CHL1: variants seen among roughly 807,000 people sequenced by gnomAD.
CHL1 encodes the protein neural cell adhesion molecule L1-like protein.
In CHL1, 96 loss-of-function variants were observed where a neutral mutation model predicts 141.9. The ratio of observed to expected loss-of-function variants is 0.68; its 90% confidence interval spans 0.57 to 0.80. CHL1 has a LOEUF of 0.80. Ranked by LOEUF, CHL1 falls within the 30% of genes least tolerant of loss-of-function variation. The pLI, the probability that CHL1 is intolerant of heterozygous loss-of-function variation, is 0.00. For missense variants in CHL1, 1,820 were observed against 1,457.2 expected, an observed-to-expected ratio of 1.25 and a Z score of -4.05; for synonymous variants, 613 against 502.2, an observed-to-expected ratio of 1.22 and a Z score of -2.95.
intron 2 of CHL1, among the ~76,000 whole-genome samples, chr3:277,964 T>G (rs1374085874): frequency 1.3e-5 from 2 of 152,222 alleles, no homozygotes; most frequent in African/African-American, 2.4e-5. Context: ...GTAGTTTGCA[T>G]TTAGGTATTT....
chr3:258,932 ATC>A lies in CHL1; in HGVS notation c.-95+14242_-95+14243del, dbSNP rs1259601168. ...ACCTTTATTTTAAACGTATGGCAAC[ATC>A]TTTTTTTTTTTTTTTTTCTGAGACA... On this transcript the variant is annotated intron_variant, in intron 2 of 27. Transcript: ENST00000256509. 4.8e-3 allele frequency among the ~76,000 whole-genome samples: 655 copies of A among 136,944 alleles called. 6 individuals are homozygous for A. Among genetic ancestry groups the A allele is most frequent in the African/African-American group, 0.018 (638 of 36,314 alleles). 89.8% of individuals were successfully genotyped at this position (136,944 alleles called of 152,430 possible).
chr3:348,669 G>C (rs1044544731), intron 9 of CHL1, among the ~76,000 whole-genome samples: 8 of 152,140 alleles, frequency 5.3e-5, no homozygotes, highest in Non-Finnish European at 4.4e-5. Context: ...TTACTTTCCT[G>C]TTTGTTTTGA....
intron 16 of CHL1, among the ~76,000 whole-genome samples, chr3:379,270 A>T (rs116283326): frequency 6.6e-6 from 1 of 152,192 alleles, no homozygotes; most frequent in East Asian, 1.9e-4. Flanking sequence ...ACAAATGGCC[A>T]TCAAGGTTGG....
chr3:198,009 G>A, intron 1 of CHL1: 1 of 351,816 alleles, frequency 2.8e-6, no homozygotes, highest in Non-Finnish European at 5.7e-6. Context: ...CTCGCTGCGA[G>A]CCACAGTGTC....
chr3:360,102 T>G (rs185512203), intron 11 of CHL1, among the ~76,000 whole-genome samples, 182 bp from the exon 12 acceptor site: 1 of 152,336 alleles, frequency 6.6e-6, no homozygotes, highest in African/African-American at 2.4e-5. Flanking sequence ...AAAATTCACA[T>G]GGATCTGGAA....
At chr3:236,195 C>T (rs13077665) in intron 1 of CHL1, among the ~76,000 whole-genome samples, 1 of 151,918 alleles carries the variant, frequency 6.6e-6, no homozygotes, top group East Asian at 1.9e-4. Context: ...GGAGCTTTGT[C>T]ATATCCACAT....
At chr3:200,972 T>A (rs1380030218) in intron 1 of CHL1, among the ~76,000 whole-genome samples, 4 of 152,230 alleles carry the variant, frequency 2.6e-5, no homozygotes, top group African/African-American at 9.6e-5. Context: ...ATTATAGCTT[T>A]CTCATTAGCA....
intron 15 of CHL1, among the ~76,000 whole-genome samples, chr3:366,502 T>C (rs1162126334): frequency 6.6e-6 from 1 of 151,582 alleles, no homozygotes; most frequent in East Asian, 1.9e-4. Flanking sequence ...AAAGCATTCA[T>C]ACAGAAACAA....
chr3:360,676 G>C (rs1208483193), intron 12 of CHL1, among the ~76,000 whole-genome samples: 1 of 149,680 alleles, frequency 6.7e-6, no homozygotes, highest in Non-Finnish European at 1.5e-5. Flanking sequence ...TGCCATGCTG[G>C]TGCGCTGCAC....
chr3:366,006 C>A lies in CHL1; in HGVS notation c.1642C>A (p.Leu548Ile). 1.2e-6 allele frequency: 2 copies of A among 1,613,476 alleles called. No homozygotes were observed. Among genetic ancestry groups the A allele is most frequent in the Non-Finnish European group, 1.7e-6 (2 of 1,179,518 alleles). ...KNPRIPKLHMLELHCESKCDS... is the reference protein window; with the variant it reads ...KNPRIPKLHMIELHCESKCDS... ...TCCTCGTATCCCCAAATTGCATATG[C>A]TTGAATTACATTGTGAAAGCAAATG... is the stretch of plus-strand genomic sequence containing the variant. Residue 548 changes from leucine to isoleucine, a missense_variant, in exon 15 of 28, where the codon CTT becomes ATT. Physicochemically the swap from Leu to Ile is conservative, Grantham distance 5. Transcript: ENST00000256509.
chr3:399,402 G>C (rs1266214294), intron 26 of CHL1, among the ~76,000 whole-genome samples: 3 of 152,168 alleles, frequency 2.0e-5, no homozygotes, highest in East Asian at 1.9e-4. Flanking sequence ...AGCAGTTTGG[G>C]AGGCCGAGGT....
At chr3:398,875 T>C in intron 25 of CHL1, 142 bp from the exon 26 acceptor site, 1 of 648,166 alleles carries the variant, frequency 1.5e-6, no homozygotes, top group Non-Finnish European at 2.6e-6. Context: ...AACATGTCCT[T>C]CAAATTGCAT....
At chr3:388,664 C>A (rs1271827446) in intron 19 of CHL1, among the ~76,000 whole-genome samples, 1 of 151,524 alleles carries the variant, frequency 6.6e-6, no homozygotes, top group African/African-American at 2.4e-5. Context: ...AAAGAATGGT[C>A]AAGGAGCTGG....
At chr3:333,960 G>A (rs1374605994) in intron 5 of CHL1, among the ~76,000 whole-genome samples, 6 of 151,686 alleles carry the variant, frequency 4.0e-5, no homozygotes, top group Admixed American at 6.6e-5. Flanking sequence ...TTGTTTGTTT[G>A]TTTGTTTTTG....
At chr3:236,740 T>A (rs1018505672) in intron 1 of CHL1, among the ~76,000 whole-genome samples, 1 of 145,484 alleles carries the variant, frequency 6.9e-6, no homozygotes, top group Non-Finnish European at 1.5e-5. Context: ...TGTATTCATC[T>A]TTCCACACTA....
At chr3:387,910 C>G (rs1258522525) in intron 19 of CHL1, among the ~76,000 whole-genome samples, 1 of 151,942 alleles carries the variant, frequency 6.6e-6, no homozygotes, top group Non-Finnish European at 1.5e-5. Context: ...AATTATTTTG[C>G]TGATATGTCA....
chr3:286,173 G>C (rs900804046), intron 2 of CHL1, among the ~76,000 whole-genome samples: 1 of 152,136 alleles, frequency 6.6e-6, no homozygotes, highest in South Asian at 2.1e-4. Context: ...CACCCAGTTT[G>C]TCTCCTGCAA....
At chr3:222,774 A>G (rs919650605) in intron 1 of CHL1, among the ~76,000 whole-genome samples, 1 of 152,166 alleles carries the variant, frequency 6.6e-6, no homozygotes, top group African/African-American at 2.4e-5. Context: ...TATTTTTATG[A>G]AGATGGGGAA....
chr3:228,241 T>A (rs1404314415), intron 1 of CHL1, among the ~76,000 whole-genome samples: 1 of 152,228 alleles, frequency 6.6e-6, no homozygotes, highest in Non-Finnish European at 1.5e-5. Flanking sequence ...AGGGGAATGT[T>A]TGAAGAATCT....
Sources: allele counts gnomAD v4.1 joint callset (sites outside exome capture counted in the v4.1 genomes callset), GRCh38; gene constraint gnomAD v4.1.1; transcripts MANE v1.5; gene names NCBI Gene and HGNC (gene_info 2026-07-23, HGNC 2026-07-21).